The following CDYL variants were observed in gnomAD, a reference collection of about 807,000 sequenced individuals.
The protein encoded by CDYL is chromodomain Y-like protein.
A neutral mutation model predicts 47.3 loss-of-function variants in CDYL; 8 were observed. The ratio of observed to expected loss-of-function variants is 0.17; its 90% CI spans 0.10 to 0.31. The LOEUF is 0.31. CDYL is among the 10% of genes least tolerant of loss of function. The probability of loss-of-function intolerance (pLI) is 1.00; values close to 1 mark genes in which losing one functional copy is unlikely to be tolerated. For synonymous variants in CDYL, 266 were observed against 265.0 expected (o/e 1.00, Z -0.04); for missense variants, 471 against 701.4 (o/e 0.67, Z 3.71).
intron 1 of CDYL, among the ~76,000 whole-genome samples, chr6:4,847,014 C>G (rs1323572481): frequency 1.3e-5 from 2 of 152,238 alleles, no homozygotes; most frequent in East Asian, 1.9e-4. Context: ...CATTCTTATT[C>G]TGCACACTAC....
At chr6:4,881,233 T>G (rs1761753145) in intron 1 of CDYL, among the ~76,000 whole-genome samples, 1 of 152,202 alleles carries the variant, frequency 6.6e-6, no homozygotes. Flanking sequence ...TGGTTTTTGT[T>G]CCTCTGTTCC....
intron 3 of CDYL, among the ~76,000 whole-genome samples, chr6:4,755,623 G>A (rs1205283078): frequency 6.6e-6 from 1 of 152,114 alleles, no homozygotes. Flanking sequence ...TTTCATGTTA[G>A]TGGCATCAAA....
intron 5 of CDYL, among the ~76,000 whole-genome samples, chr6:4,948,010 G>A (rs145059014): frequency 7.4e-4 from 113 of 152,206 alleles, no homozygotes; most frequent in Admixed American, 1.5e-3. Context: ...CGTACTGCAC[G>A]CACCTGACAC....
chr6:4,831,120 G>T (rs564237113), intron 1 of CDYL, among the ~76,000 whole-genome samples: 1 of 152,304 alleles, frequency 6.6e-6, no homozygotes, highest in South Asian at 2.1e-4. Context: ...TATATCCCCA[G>T]TAATGGGATG....
rs1309664119 is a variant in CDYL at position 4,851,845 on chromosome 6, G to C, written c.25-39868G>C. On this transcript the variant is annotated intron_variant, in intron 1 of 6. Coordinates refer to ENST00000397588, the MANE Select transcript of CDYL (RefSeq NM_004824.4). ...ATTTGGGGAATGGTCCAGGACTGAG[G>C]AGTGCTGAATCTACCAGCCCCCAGT... 3.9e-5 allele frequency among the ~76,000 whole-genome samples: 6 copies of C among 152,306 alleles called. No homozygotes were observed. In the East Asian group the frequency reaches 1.2e-3, roughly 29 times the overall value.
At position 4,936,247 on chromosome 6, in the gene CDYL, G is replaced by A. The variant is rs114969616; in HGVS notation, c.948+476G>A. Among the ~76,000 whole-genome samples the A allele has an allele frequency of 3.5e-3, 526 of 152,270 alleles. 2 individuals are homozygous for A. Among genetic ancestry groups the A allele is most frequent in the Admixed American group, 5.4e-3 (83 of 15,290 alleles). On this transcript the variant is annotated intron_variant, in intron 3 of 6. Coordinates refer to ENST00000397588, the MANE Select transcript of CDYL (RefSeq NM_004824.4). ...TTCCAGTCCCCAGATACTCCTCAGCGGTTGTAGCAGAACACACAGCAACAG... is the reference window on the plus strand; with the variant it reads ...TTCCAGTCCCCAGATACTCCTCAGCAGTTGTAGCAGAACACACAGCAACAG...
At chr6:4,933,546 C>T (rs756443186) in intron 2 of CDYL, among the ~76,000 whole-genome samples, 1 of 152,064 alleles carries the variant, frequency 6.6e-6, no homozygotes, top group South Asian at 2.1e-4. Flanking sequence ...CAGGTGAGGC[C>T]GTGATGGGAC....
At chr6:4,707,524 G>C (rs546567640) in intron 1 of CDYL, among the ~76,000 whole-genome samples, 1 of 152,080 alleles carries the variant, frequency 6.6e-6, no homozygotes, top group Non-Finnish European at 1.5e-5. Flanking sequence ...TGCCCTCCTC[G>C]GCCTCCCAAA....
Position 4,863,322 on chromosome 6 carries a change from C to A in CDYL, c.25-28391C>A, listed in dbSNP as rs1761227037. 2.0e-5 allele frequency among the ~76,000 whole-genome samples: 3 copies of A among 152,184 alleles called. No individual in the cohort carries two copies. In the South Asian group the frequency reaches 6.2e-4, roughly 32 times the overall value. ...AGCTTTATATATTATACCATTGTAA[C>A]AAACTTGTACATGTAGTCCCCGAAT... is the stretch of plus-strand genomic sequence containing the variant. On this transcript the variant is annotated intron_variant, in intron 1 of 6. Coordinates refer to ENST00000397588, the MANE Select transcript of CDYL (RefSeq NM_004824.4).
chr6:4,884,086 A>T (rs188431300), intron 1 of CDYL, among the ~76,000 whole-genome samples: 1 of 152,246 alleles, frequency 6.6e-6, no homozygotes, highest in Admixed American at 6.5e-5. Flanking sequence ...AAAGTGATCC[A>T]TAAAAGCATC....
chr6:4,730,158 AC>A (rs2127413549), intron 2 of CDYL, among the ~76,000 whole-genome samples: 1 of 152,246 alleles, frequency 6.6e-6, no homozygotes, highest in East Asian at 1.9e-4. Context: ...CTGGGGGTAA[AC>A]TACAGAAGCA....
At chr6:4,823,260 G>T (rs934375663) in intron 1 of CDYL, among the ~76,000 whole-genome samples, 4 of 152,068 alleles carry the variant, frequency 2.6e-5, no homozygotes, top group Admixed American at 2.6e-4. Context: ...TCAACACAAA[G>T]AACAAATATT....
chr6:4,836,545 T>C (rs1435203480), intron 1 of CDYL, among the ~76,000 whole-genome samples: 1 of 152,222 alleles, frequency 6.6e-6, no homozygotes, highest in Admixed American at 6.5e-5. Flanking sequence ...TCTCCTGTTT[T>C]TGCAGTCAGT....
rs1160937958 is a variant in CDYL at position 4,901,116 on chromosome 6, T to C, written c.691+8737T>C. 2.0e-5 allele frequency among the ~76,000 whole-genome samples: 3 copies of C among 151,858 alleles called. No homozygotes were observed. The East Asian group carries it at 5.8e-4, about 29-fold the overall frequency. On this transcript the variant is annotated intron_variant, in intron 2 of 6. Transcript: ENST00000397588. ...TCAGTTTTGAATATACCAAAGTATA[T>C]TTCATTACTTTGGGCTTATATGAAG...
At chr6:4,949,659 G>A (rs1467524757) in intron 5 of CDYL, among the ~76,000 whole-genome samples, 10 of 152,322 alleles carry the variant, frequency 6.6e-5, no homozygotes, top group Non-Finnish European at 1.5e-4. Flanking sequence ...GGTTCCCACC[G>A]CCTGCATCTG....
intron 1 of CDYL, among the ~76,000 whole-genome samples, chr6:4,861,801 C>G (rs905069481): frequency 6.6e-6 from 1 of 152,188 alleles, no homozygotes; most frequent in African/African-American, 2.4e-5. Context: ...GAGTGACTTC[C>G]TGCTTGTTGT....
intron 1 of CDYL, among the ~76,000 whole-genome samples, chr6:4,823,725 C>T (rs186365385): frequency 3.0e-4 from 45 of 152,148 alleles, no homozygotes; most frequent in East Asian, 2.9e-3. Flanking sequence ...ACTTTGTAAC[C>T]GGTAAAATAT....
At chr6:4,723,526 C>T (rs896181347) in intron 2 of CDYL, among the ~76,000 whole-genome samples, 1 of 152,118 alleles carries the variant, frequency 6.6e-6, no homozygotes, top group Non-Finnish European at 1.5e-5. Flanking sequence ...AGAGTGGGGG[C>T]TGCCAGCACC....
intron 1 of CDYL, among the ~76,000 whole-genome samples, chr6:4,885,246 A>C (rs1761870515): frequency 6.6e-6 from 1 of 152,180 alleles, no homozygotes; most frequent in Middle Eastern, 3.2e-3. Flanking sequence ...CTGCCACCTC[A>C]GCTTTCCAAA....
Sources: allele counts gnomAD v4.1 joint callset (sites outside exome capture counted in the v4.1 genomes callset), GRCh38; gene constraint gnomAD v4.1.1; transcripts MANE v1.5; gene names NCBI Gene and HGNC (gene_info 2026-07-23, HGNC 2026-07-21).